Variants in ROBO2 observed in about 807,000 individuals in gnomAD.
The protein encoded by ROBO2 is roundabout homolog 2.
Under a neutral mutation model 160.8 loss-of-function variants are expected in ROBO2, and 53 were observed. The observed-to-expected ratio is 0.33, with a 90% CI of 0.26 to 0.41. ROBO2 has a LOEUF of 0.41. ROBO2 is among the 10% of genes least tolerant of loss of function. ROBO2 has a pLI of 1.00. For synonymous variants in ROBO2, 664 were observed against 611.7 expected, an observed-to-expected ratio of 1.09 and a Z score of -1.26; for missense variants, 1,577 against 1,722.4, an observed-to-expected ratio of 0.92 and a Z score of 1.49.
At chr3:76,964,543 C>A (rs1338596523) in intron 2 of ROBO2, among the ~76,000 whole-genome samples, 1 of 152,114 alleles carries the variant, frequency 6.6e-6, no homozygotes, top group Non-Finnish European at 1.5e-5. Flanking sequence ...CAGGGTTTTA[C>A]CATGTTGGCC....
intron 2 of ROBO2, among the ~76,000 whole-genome samples, chr3:76,329,731 A>G (rs982168170): frequency 2.0e-5 from 3 of 152,236 alleles, no homozygotes; most frequent in Non-Finnish European, 4.4e-5. Flanking sequence ...AAAAAATAAT[A>G]GACATTTTTA....
intron 2 of ROBO2, among the ~76,000 whole-genome samples, chr3:76,488,541 T>C (rs952515705): frequency 6.6e-6 from 1 of 152,150 alleles, no homozygotes; most frequent in Non-Finnish European, 1.5e-5. Context: ...CGCTGCTACT[T>C]TGAATCTCTG....
intron 2 of ROBO2, among the ~76,000 whole-genome samples, chr3:76,842,768 A>G (rs963533091): frequency 3.3e-5 from 5 of 152,142 alleles, no homozygotes; most frequent in African/African-American, 1.2e-4. Context: ...ATATTTTAAG[A>G]TAGAAATTTT....
At chr3:77,351,667 A>T (rs890758641) in intron 2 of ROBO2, among the ~76,000 whole-genome samples, 1 of 152,174 alleles carries the variant, frequency 6.6e-6, no homozygotes, top group African/African-American at 2.4e-5. Context: ...GGTCTCATTT[A>T]TCAGCAAGTA....
In ROBO2 at chr3:77,191,281, A is replaced by T. The variant is rs2081822627; in HGVS notation, c.388+92941A>T. On this transcript the variant is annotated intron_variant, in intron 2 of 25. Coordinates refer to ENST00000461745, the Ensembl canonical transcript of ROBO2. ...TATTGTAAGTTTACCATGAAAACAG[A>T]TTAATGTGAGCACCTTAATTTTTTG... Among the ~76,000 whole-genome samples, 3 of 152,124 alleles carry T rather than the reference A, an allele frequency of 2.0e-5. No homozygotes were observed. The South Asian group carries it at 6.2e-4, about 31-fold the overall frequency.
chr3:77,256,600 A>C (rs1478880690), intron 2 of ROBO2, among the ~76,000 whole-genome samples: 1 of 152,222 alleles, frequency 6.6e-6, no homozygotes, highest in East Asian at 1.9e-4. Context: ...CTGCAAGTTA[A>C]ATAAGAGGAG....
intron 2 of ROBO2, among the ~76,000 whole-genome samples, chr3:76,747,405 A>G (rs2093911782): frequency 6.6e-6 from 1 of 152,132 alleles, no homozygotes; most frequent in African/African-American, 2.4e-5. Context: ...TTAACTGTAT[A>G]TTTTTAGTTT....
intron 2 of ROBO2, among the ~76,000 whole-genome samples, chr3:76,925,016 G>A (rs1041885309): frequency 2.0e-5 from 3 of 151,686 alleles, no homozygotes; most frequent in African/African-American, 7.3e-5. Context: ...AGACCATCCC[G>A]GCTAAAACGG....
chr3:76,433,733 G>A (rs147377429), intron 2 of ROBO2, among the ~76,000 whole-genome samples: 93 of 152,250 alleles, frequency 6.1e-4, no homozygotes, highest in African/African-American at 2.1e-3. Flanking sequence ...CCGAGAACAC[G>A]CATAATAGCC....
chr3:77,197,412 T>G (rs555583491), intron 2 of ROBO2, among the ~76,000 whole-genome samples: 18 of 152,286 alleles, frequency 1.2e-4, no homozygotes, highest in Non-Finnish European at 2.6e-4. Context: ...AAAAAGCAAC[T>G]TGCTATTAAG....
rs151229066 is a variant in ROBO2, at chr3:76,369,975, C to T, written c.109+432373C>T. On this transcript the variant is annotated intron_variant, in intron 2 of 26. Transcript: ENST00000487694. ...TTCAATGTCTCTCCATTGCCAAGAACAATATTTTTAAAACTGCAGATAGAC... is the reference window on the plus strand; with the variant it reads ...TTCAATGTCTCTCCATTGCCAAGAATAATATTTTTAAAACTGCAGATAGAC... Among the ~76,000 whole-genome samples, 518 of 151,972 alleles carry T rather than the reference C, an allele frequency of 3.4e-3. 1 individual carries two copies. Among genetic ancestry groups the T allele is most frequent in the African/African-American group, 0.012 (509 of 41,494 alleles).
chr3:77,222,171 A>G (rs757013907), intron 2 of ROBO2, among the ~76,000 whole-genome samples: 52 of 152,126 alleles, frequency 3.4e-4, no homozygotes, highest in Non-Finnish European at 1.5e-4. Flanking sequence ...TCAATACACT[A>G]TCTTACTTTA....
chr3:76,372,957 A>G (rs2076175784), intron 2 of ROBO2, among the ~76,000 whole-genome samples: 2 of 151,988 alleles, frequency 1.3e-5, no homozygotes, highest in South Asian at 4.1e-4. Flanking sequence ...CTTGGACATT[A>G]TTGGTTGAAA....
At chr3:76,846,499 T>C (rs1231805116) in intron 2 of ROBO2, among the ~76,000 whole-genome samples, 1 of 152,118 alleles carries the variant, frequency 6.6e-6, no homozygotes, top group Non-Finnish European at 1.5e-5. Context: ...TTTTTTGTTT[T>C]CTTACTTTAG....
At chr3:77,344,075 AAAG>A (rs1345840047) in intron 2 of ROBO2, among the ~76,000 whole-genome samples, 1 of 152,082 alleles carries the variant, frequency 6.6e-6, no homozygotes, top group African/African-American at 2.4e-5. Flanking sequence ...CTGTAAATGC[AAAG>A]AAGAATATAA....
At chr3:77,233,183 C>T (rs2087454017) in intron 2 of ROBO2, among the ~76,000 whole-genome samples, 1 of 152,022 alleles carries the variant, frequency 6.6e-6, no homozygotes, top group African/African-American at 2.4e-5. Context: ...GATTGTTGCC[C>T]CATCAACTAA....
At chr3:77,503,521 C>G (rs1403926188) in intron 5 of ROBO2, among the ~76,000 whole-genome samples, 1 of 140,878 alleles carries the variant, frequency 7.1e-6, no homozygotes, top group Non-Finnish European at 1.5e-5. Flanking sequence ...GAGAGTCCGT[C>G]TCTAAATAAA....
chr3:76,956,212 ATATT>A (rs752848158), intron 2 of ROBO2, among the ~76,000 whole-genome samples: 1 of 152,214 alleles, frequency 6.6e-6, no homozygotes, highest in Non-Finnish European at 1.5e-5. Context: ...TATGCATTAG[ATATT>A]TATTTTACTA....
At chr3:76,921,722 T>C (rs1217966474) in intron 2 of ROBO2, among the ~76,000 whole-genome samples, 1 of 152,170 alleles carries the variant, frequency 6.6e-6, no homozygotes, top group Non-Finnish European at 1.5e-5. Flanking sequence ...GAAGCACCAT[T>C]CTTGGCACTT....
Sources: allele counts gnomAD v4.1 joint callset (sites outside exome capture counted in the v4.1 genomes callset), GRCh38; gene constraint gnomAD v4.1.1; transcripts MANE v1.5; gene names NCBI Gene and HGNC (gene_info 2026-07-23, HGNC 2026-07-21).